DOK5: variants seen among roughly 807,000 people sequenced by gnomAD.
The protein encoded by DOK5 is docking protein 5.
Under a neutral mutation model 43.3 loss-of-function variants are expected in DOK5, and 27 were observed. That is an observed-to-expected ratio of 0.62 (90% CI 0.46 to 0.86). The LOEUF (loss-of-function observed/expected upper bound fraction) is 0.86. Ranked by LOEUF, DOK5 falls within the 40% of genes least tolerant of loss-of-function variation. The probability of loss-of-function intolerance (pLI) is 0.00; values close to 1 mark genes in which losing one functional copy is unlikely to be tolerated. For missense variants in DOK5, 373 were observed against 392.9 expected (o/e 0.95, Z 0.43); for synonymous variants, 146 against 140.1 (o/e 1.04, Z -0.30).
chr20:54,612,668 C>T lies in DOK5; in HGVS notation c.735+2145C>T, dbSNP rs559265093. Among the ~76,000 whole-genome samples, 5 of 152,306 alleles carry T rather than the reference C, an allele frequency of 3.3e-5. No individual in the cohort carries two copies. In the South Asian group the frequency reaches 1.0e-3, roughly 32 times the overall value. On this transcript the variant is annotated intron_variant, in intron 6 of 7. Coordinates refer to ENST00000262593, the MANE Select transcript of DOK5 (RefSeq NM_018431.5). ...TCAAATCCAGACCAGAAACCATCAC[C>T]ATTGGCTTTCAGGCCTTCAGACTGC...
chr20:54,628,341 G>C (rs1386456592), intron 6 of DOK5, among the ~76,000 whole-genome samples: 1 of 146,696 alleles, frequency 6.8e-6, no homozygotes, highest in Non-Finnish European at 1.5e-5. Flanking sequence ...CCCGGGAGGC[G>C]GAGCTTGCAG....
At chr20:54,490,087 T>A (rs988618625) in intron 1 of DOK5, among the ~76,000 whole-genome samples, 1 of 152,220 alleles carries the variant, frequency 6.6e-6, no homozygotes, top group Non-Finnish European at 1.5e-5. Context: ...TCTTTTCAGT[T>A]GTGCAGGCTT....
intron 1 of DOK5, among the ~76,000 whole-genome samples, chr20:54,548,545 C>G (rs2146722599): frequency 6.6e-6 from 1 of 152,178 alleles, no homozygotes; most frequent in East Asian, 1.9e-4. Flanking sequence ...CCAGGATTAA[C>G]TACTATTTAT....
chr20:54,619,820 A>G (rs191773280), intron 6 of DOK5, among the ~76,000 whole-genome samples: 99 of 152,376 alleles, frequency 6.5e-4, no homozygotes, highest in Middle Eastern at 3.4e-3. Context: ...TTTAAACGCA[A>G]TATGCTACAC....
chr20:54,576,449 T>C (rs1479180358), intron 2 of DOK5, among the ~76,000 whole-genome samples: 1 of 152,140 alleles, frequency 6.6e-6, no homozygotes, highest in Non-Finnish European at 1.5e-5. Context: ...TATAAAAAGT[T>C]TTTAAAAGAA....
chr20:54,566,837 G>T (rs1302220021), intron 2 of DOK5, among the ~76,000 whole-genome samples: 3 of 152,052 alleles, frequency 2.0e-5, no homozygotes, highest in African/African-American at 7.2e-5. Flanking sequence ...GGCTGGACTT[G>T]AACTCCTGGC....
At chr20:54,644,723 A>AACAAAAAAAACAC (rs779663636) in intron 7 of DOK5, among the ~76,000 whole-genome samples, 2 of 142,404 alleles carry the variant, frequency 1.4e-5, no homozygotes, top group Non-Finnish European at 3.0e-5. Context: ...AAAAAAAAAA[A>AACAAAAAAAACAC]ACAAAATTTA....
chr20:54,610,611 A>T (rs1986616424), intron 6 of DOK5, 88 bp downstream of exon 6: 1 of 1,301,244 alleles, frequency 7.7e-7, no homozygotes, highest in Admixed American at 3.3e-5. Flanking sequence ...TATGGTCAGC[A>T]TTATTTGAGC....
intron 7 of DOK5, among the ~76,000 whole-genome samples, chr20:54,644,037 G>A (rs1979254361): frequency 6.6e-6 from 1 of 152,090 alleles, no homozygotes; most frequent in Non-Finnish European, 1.5e-5. Flanking sequence ...TGAATCAGGA[G>A]CTCTGAGGGT....
chr20:54,631,767 A>G (rs1184233192), intron 6 of DOK5, among the ~76,000 whole-genome samples: 2 of 152,060 alleles, frequency 1.3e-5, no homozygotes, highest in South Asian at 4.2e-4. Flanking sequence ...AGGTCAAGAG[A>G]TCGAGACCAT....
At chr20:54,533,411 T>C (rs1983848010) in intron 1 of DOK5, among the ~76,000 whole-genome samples, 1 of 152,224 alleles carries the variant, frequency 6.6e-6, no homozygotes, top group Non-Finnish European at 1.5e-5. Context: ...GGATGATGTA[T>C]TATAAGAGGC....
intron 4 of DOK5, 137 bp downstream of exon 4, chr20:54,588,943 C>T (rs1985898224): frequency 4.5e-6 from 4 of 887,362 alleles, no homozygotes; most frequent in Non-Finnish European, 6.6e-6. Flanking sequence ...TTATCTAATC[C>T]ACAACCTGTG....
chr20:54,490,060 G>C (rs1385316527), intron 1 of DOK5, among the ~76,000 whole-genome samples: 2 of 152,102 alleles, frequency 1.3e-5, no homozygotes, highest in Non-Finnish European at 2.9e-5. Context: ...GAGTTTCAAG[G>C]CATTTTATAA....
intron 2 of DOK5, among the ~76,000 whole-genome samples, chr20:54,584,516 A>G (rs1985738483): frequency 6.6e-6 from 1 of 151,632 alleles, no homozygotes; most frequent in Non-Finnish European, 1.5e-5. Flanking sequence ...ATCCATTAAC[A>G]TAATTTTATA....
chr20:54,537,218 C>A (rs940536961), intron 1 of DOK5, among the ~76,000 whole-genome samples: 4 of 152,224 alleles, frequency 2.6e-5, no homozygotes, highest in African/African-American at 9.6e-5. Flanking sequence ...AGAAGGCATA[C>A]TTTCCTACCC....
At chr20:54,628,189 G>A (rs1395244847) in intron 6 of DOK5, among the ~76,000 whole-genome samples, 4 of 152,036 alleles carry the variant, frequency 2.6e-5, no homozygotes, top group Non-Finnish European at 4.4e-5. Flanking sequence ...AAGTGATTAT[G>A]TTCTCTCATT....
chr20:54,536,103 G>C (rs1364387180), intron 1 of DOK5, among the ~76,000 whole-genome samples: 1 of 152,184 alleles, frequency 6.6e-6, no homozygotes, highest in Non-Finnish European at 1.5e-5. Context: ...AAAATATAGT[G>C]TGTTTTTATA....
intron 1 of DOK5, among the ~76,000 whole-genome samples, chr20:54,547,843 G>C (rs554571871): frequency 6.6e-6 from 1 of 152,202 alleles, no homozygotes; most frequent in Non-Finnish European, 1.5e-5. Flanking sequence ...GGCCTGTGGG[G>C]ATTGACTTGT....
chr20:54,531,103 T>A lies in DOK5; in HGVS notation c.67-23830T>A, dbSNP rs144145648. ...TGGTTTGTTTTTGTCTTATGGAGAATGTTATTCACAACTTACCAAGCTTGG... is the reference window on the plus strand; with the variant it reads ...TGGTTTGTTTTTGTCTTATGGAGAAAGTTATTCACAACTTACCAAGCTTGG... On this transcript the variant is annotated intron_variant, in intron 1 of 7. Transcript: ENST00000262593. Among the ~76,000 whole-genome samples, 51 of 152,334 alleles carry A rather than the reference T, an allele frequency of 3.3e-4. 1 individual carries two copies. In the East Asian group the frequency reaches 9.3e-3, roughly 28 times the overall value.
Sources: allele counts gnomAD v4.1 joint callset (sites outside exome capture counted in the v4.1 genomes callset), GRCh38; gene constraint gnomAD v4.1.1; transcripts MANE v1.5; gene names NCBI Gene and HGNC (gene_info 2026-07-23, HGNC 2026-07-21).